Variants in FBN1 observed in about 807,000 individuals in gnomAD.
FBN1 encodes fibrillin 1.
FBN1 carries 29 observed loss-of-function variants against 365.1 expected under a neutral mutation model. The ratio of observed to expected loss-of-function variants is 0.08; its 90% CI spans 0.06 to 0.11. The LOEUF (loss-of-function observed/expected upper bound fraction) is 0.11. Among genes scored for constraint, FBN1 ranks in the 10% least tolerant of loss-of-function variants. FBN1 has a pLI of 1.00. For synonymous variants in FBN1, 1,210 were observed against 1,270.5 expected (o/e 0.95, Z 1.01); for missense variants, 2,476 against 3,703.2 (o/e 0.67, Z 8.60).
chr15:48,541,930 G>A (rs1031610810), intron 6 of FBN1, among the ~76,000 whole-genome samples: 4 of 152,064 alleles, frequency 2.6e-5, no homozygotes, highest in African/African-American at 9.7e-5. Flanking sequence ...AGGGCAACAG[G>A]CCAAGTCTTT....
Position 48,487,085 on chromosome 15 carries a change from T to A in FBN1, c.3579A>T (p.Leu1193=), listed in dbSNP as rs1013177717. 6.2e-7 allele frequency: 1 copy of A among 1,605,814 alleles called. No individual in the cohort carries two copies. Among genetic ancestry groups the A allele is most frequent in the Non-Finnish European group, 8.5e-7 (1 of 1,176,212 alleles). Residue 1193 remains leucine (L), a synonymous_variant, in exon 29 of 66, where the codon CTA becomes CTT. Coordinates refer to ENST00000316623, the MANE Select transcript of FBN1 (RefSeq NM_000138.5). The stretch of plus-strand genomic sequence containing the variant: ...TAAAAAAGAACTTACCAACACAAAA[T>A]AGCCTATCGGGAGTTGAATGGTAGC... ...NPGYHSTPDR[L]FCVDIDECSI... is the part of the protein sequence containing the mutation.
chr15:48,503,944 A>G lies in FBN1; in HGVS notation c.1961-5T>C, dbSNP rs919746497. On this transcript the variant is annotated splice_polypyrimidine_tract_variant and splice_region_variant and intron_variant, in intron 16 of 65. Coordinates refer to ENST00000316623, the MANE Select transcript of FBN1 (RefSeq NM_000138.5). ...ATGTGCTCCGCATGTGTGTGTCTAAACAGGAAGAAGCATCTGTCATCACAC... is the reference window on the plus strand; with the variant it reads ...ATGTGCTCCGCATGTGTGTGTCTAAGCAGGAAGAAGCATCTGTCATCACAC... 6.2e-7 allele frequency: 1 copy of G among 1,614,098 alleles called. No homozygotes were observed. The highest frequency in any genetic ancestry group is 8.5e-7 in the Non-Finnish European group (1 of 1,180,014).
At chr15:48,639,991 T>C (rs565033610) in intron 2 of FBN1, among the ~76,000 whole-genome samples, 3 of 152,328 alleles carry the variant, frequency 2.0e-5, no homozygotes, top group South Asian at 4.1e-4. Context: ...AATTTTTTAG[T>C]ATTTTGCTTG....
intron 6 of FBN1, among the ~76,000 whole-genome samples, chr15:48,567,348 A>C (rs1342481840): frequency 6.6e-6 from 1 of 152,200 alleles, no homozygotes; most frequent in African/African-American, 2.4e-5. Flanking sequence ...CAAGATAAGA[A>C]ATGATTTTTA....
chr15:48,503,242 A>G (rs1199054853), intron 17 of FBN1, among the ~76,000 whole-genome samples: 1 of 146,296 alleles, frequency 6.8e-6, no homozygotes, highest in Non-Finnish European at 1.5e-5. Context: ...GGTGGCAGTG[A>G]GCTGAGATCG....
At chr15:48,463,777 G>T in intron 41 of FBN1, 122 bp downstream of exon 41, 1 of 1,118,510 alleles carries the variant, frequency 8.9e-7, no homozygotes, top group African/African-American at 1.5e-5. Context: ...TAACAAGACA[G>T]TGAAGGGATG....
chr15:48,534,048 A>AC, intron 8 of FBN1, 32 bp downstream of exon 8: 6 of 1,571,850 alleles, frequency 3.8e-6, no homozygotes, highest in Non-Finnish European at 5.2e-6. Context: ...CCCCCACTAC[A>AC]CCCCCCAACT....
At chr15:48,555,612 T>C (rs1446775150) in intron 6 of FBN1, among the ~76,000 whole-genome samples, 1 of 152,216 alleles carries the variant, frequency 6.6e-6, no homozygotes, top group East Asian at 1.9e-4. Context: ...ATATAGGTTA[T>C]AACCTACCAA....
chr15:48,487,461 TA>T (rs764755690), intron 27 of FBN1, 24 bp from the exon 28 acceptor site: 4 of 1,612,610 alleles, frequency 2.5e-6, no homozygotes. Context: ...ATGACCATGT[TA>T]AAGGTGGGGG....
chr15:48,465,646 A>G lies in FBN1; in HGVS notation c.4864T>C (p.Cys1622Arg). Reference protein sequence around the residue: ...ELPGLCQGGKCINTFGSFQCR... With the variant: ...ELPGLCQGGKRINTFGSFQCR... ...TGGAAACTCCCAAAGGTGTTGATAC[A>G]TTTTCCTCCTTGGCACAGCCCTGGT... is the stretch of plus-strand genomic sequence containing the variant. Residue 1622 changes from cysteine to arginine, a missense_variant, in exon 40 of 66, where the codon TGT becomes CGT. Physicochemically the swap from Cys to Arg is radical, Grantham distance 180. Transcript: ENST00000316623. 1 of 1,614,042 alleles carries G rather than the reference A, an allele frequency of 6.2e-7. No homozygotes were observed. The highest frequency in any genetic ancestry group is 8.5e-7 in the Non-Finnish European group (1 of 1,179,982).
At chr15:48,637,332 G>A (rs192596271) in intron 2 of FBN1, among the ~76,000 whole-genome samples, 166 of 152,104 alleles carry the variant, frequency 1.1e-3, no homozygotes, top group Non-Finnish European at 2.1e-3. Flanking sequence ...CTAGCTCCCC[G>A]TCCTTGCCTT....
intron 46 of FBN1, among the ~76,000 whole-genome samples, chr15:48,448,350 A>G (rs1006608774): frequency 6.6e-6 from 1 of 152,144 alleles, no homozygotes; most frequent in Non-Finnish European, 1.5e-5. Context: ...AAAAATGATT[A>G]ACTTTTCTTT....
At chr15:48,623,267 T>C (rs1005443653) in intron 2 of FBN1, among the ~76,000 whole-genome samples, 1 of 152,240 alleles carries the variant, frequency 6.6e-6, no homozygotes, top group African/African-American at 2.4e-5. Flanking sequence ...ATCTGTGCGA[T>C]AGAATTATTT....
chr15:48,513,665 A>G lies in FBN1; in HGVS notation c.1472T>C (p.Val491Ala), dbSNP rs2043779139. ...QLDLRGECID[V>A]DECEKNPCAG... is the part of the protein sequence containing the mutation. ...ACAGGGGTTTTTCTCACATTCATCAACATCTGCAAAGCACAATGTATTTTA... is the reference window on the plus strand; with the variant it reads ...ACAGGGGTTTTTCTCACATTCATCAGCATCTGCAAAGCACAATGTATTTTA... Residue 491 changes from valine to alanine, a missense_variant, in exon 13 of 66, where the codon GTT (valine) becomes GCT (alanine). Val to Ala is a moderately conservative substitution (Grantham distance 64). Coordinates refer to ENST00000316623, the MANE Select transcript of FBN1 (RefSeq NM_000138.5). The G allele has an allele frequency of 1.2e-6, 2 of 1,613,964 alleles. No homozygotes were observed. Among genetic ancestry groups the G allele is most frequent in the Non-Finnish European group, 1.7e-6 (2 of 1,179,908 alleles).
chr15:48,484,549 T>A (rs1423640643), intron 30 of FBN1, among the ~76,000 whole-genome samples: 1 of 152,068 alleles, frequency 6.6e-6, no homozygotes, highest in African/African-American at 2.4e-5. Context: ...TTTTGTATTT[T>A]TAGTAGAAAT....
chr15:48,413,264 G>A (rs1490213436), intron 64 of FBN1, among the ~76,000 whole-genome samples: 1 of 152,178 alleles, frequency 6.6e-6, no homozygotes, highest in Non-Finnish European at 1.5e-5. Flanking sequence ...TTTTGCTTAT[G>A]CTACTGAGGA....
At chr15:48,513,387 C>T (rs1418591935) in intron 13 of FBN1, among the ~76,000 whole-genome samples, 162 bp downstream of exon 13, 2 of 152,208 alleles carry the variant, frequency 1.3e-5, no homozygotes, top group Admixed American at 6.5e-5. Flanking sequence ...TTTTATGACA[C>T]TGTCTTTCAG....
At chr15:48,424,472 C>A (rs2042964278) in intron 60 of FBN1, among the ~76,000 whole-genome samples, 1 of 152,184 alleles carries the variant, frequency 6.6e-6, no homozygotes. Context: ...TTCAGTGGTA[C>A]ACACAGCTGC....
At chr15:48,514,101 A>G (rs2043783010) in intron 12 of FBN1, among the ~76,000 whole-genome samples, 1 of 152,208 alleles carries the variant, frequency 6.6e-6, no homozygotes, top group South Asian at 2.1e-4. Context: ...GTTAGAACAA[A>G]ACATGAAGCA....
Sources: allele counts gnomAD v4.1 joint callset (sites outside exome capture counted in the v4.1 genomes callset), GRCh38; gene constraint gnomAD v4.1.1; transcripts MANE v1.5; gene names NCBI Gene and HGNC (gene_info 2026-07-23, HGNC 2026-07-21).